MMACHC: variants seen among roughly 807,000 people sequenced by gnomAD.
MMACHC encodes cyanocobalamin reductase / alkylcobalamin dealkylase.
In MMACHC, 14 loss-of-function variants were observed where a neutral mutation model predicts 17.6. The ratio of observed to expected loss-of-function variants is 0.80; its 90% confidence interval spans 0.53 to 1.25. MMACHC has a LOEUF of 1.25. Ranked by LOEUF, MMACHC falls within the 50% of genes most tolerant of loss-of-function variation. The pLI is 0.00. For missense variants in MMACHC, 392 were observed against 364.5 expected, an observed-to-expected ratio of 1.08 and a Z score of -0.62; for synonymous variants, 151 against 142.1, an observed-to-expected ratio of 1.06 and a Z score of -0.45.
chr1:45,500,474 C>A, intron 1 of MMACHC, 61 bp downstream of exon 1: 2 of 1,522,432 alleles, frequency 1.3e-6, no homozygotes, highest in South Asian at 1.1e-5. Flanking sequence ...TTGCAACTGG[C>A]GTGAGGCCTC....
At position 45,502,314 on chromosome 1, in the gene MMACHC, G is replaced by A. The variant is rs146711687; in HGVS notation, c.81+1901G>A. The stretch of plus-strand genomic sequence containing the variant: ...AGACAAAGTCTCACTCTGTCCTCCC[G>A]GCCGGAGTGCAGTGGTGCAATCATA... On this transcript the variant is annotated intron_variant, in intron 1 of 3. Transcript: ENST00000401061. Among the ~76,000 whole-genome samples the A allele has an allele frequency of 6.2e-4, 95 of 152,034 alleles. No individual in the cohort carries two copies. The East Asian group carries it at 0.013, about 21-fold the overall frequency.
chr1:45,506,321 C>T (rs1643619360), intron 1 of MMACHC, among the ~76,000 whole-genome samples: 1 of 152,100 alleles, frequency 6.6e-6, no homozygotes, highest in Admixed American at 6.6e-5. Context: ...TGAGAAATCT[C>T]CGATCTTGTT....
chr1:45,509,386 G>A lies in MMACHC; in HGVS notation c.*171G>A, dbSNP rs544461302. 3.0e-6 allele frequency: 2 copies of A among 672,972 alleles called. No individual in the cohort carries two copies. Among genetic ancestry groups the A allele is most frequent in the South Asian group, 4.0e-5 (2 of 49,388 alleles). The allele number at this position is 672,972 out of a possible 1,614,324, so 41.7% of individuals were successfully genotyped here. On this transcript the variant is annotated 3_prime_UTR_variant, in exon 4 of 4. Transcript: ENST00000401061. ...AGGTTTGGCCAAGATAAAGGCCAGG[G>A]AACCAGAATTCCCATCTGCCTTCAA... is the stretch of plus-strand genomic sequence containing the variant.
At position 45,507,540 on chromosome 1, in the gene MMACHC, G is replaced by A. The variant is rs376520909; in HGVS notation, c.266G>A (p.Arg89His). ...CAGTGTGTGGCCTACCATCTGGGCCGTGTTAGAGAGGTGAGGAAGGCTCAG... is the reference window on the plus strand; with the variant it reads ...CAGTGTGTGGCCTACCATCTGGGCCATGTTAGAGAGGTGAGGAAGGCTCAG... ...VDQCVAYHLGRVRESLPELQI... is the reference protein window; with the variant it reads ...VDQCVAYHLGHVRESLPELQI... Residue 89 changes from arginine (R) to histidine (H), a missense_variant, in exon 2 of 4, where the codon CGT becomes CAT. Arg to His is a conservative substitution (Grantham distance 29). Transcript: ENST00000401061. The A allele has an allele frequency of 4.7e-5, 76 of 1,614,046 alleles. No homozygotes were observed. The highest frequency in any genetic ancestry group is 2.2e-4 in the Admixed American group (13 of 59,994).
At chr1:45,503,360 T>C (rs1643572963) in intron 1 of MMACHC, among the ~76,000 whole-genome samples, 1 of 151,346 alleles carries the variant, frequency 6.6e-6, no homozygotes, top group South Asian at 2.1e-4. Flanking sequence ...ATCGCGCCAT[T>C]GCAGTCTAGC....
In MMACHC at chr1:45,512,007, C is replaced by T. The variant is rs1170801132; in HGVS notation, c.*2792C>T. 1.3e-5 allele frequency: 2 copies of T among 151,562 alleles called. No homozygotes were observed. Among genetic ancestry groups the T allele is most frequent in the African/African-American group, 4.9e-5 (2 of 41,208 alleles). The allele number at this position is 151,562 out of a possible 1,614,324, so 9.4% of individuals were successfully genotyped here. A position where few individuals can be genotyped will look rare whatever the true frequency, so the allele number is the denominator to read the frequency against. ...GCCTTCAACCTTTTCCTGACAATGC[C>T]TAAGAATGTGCCTCAGGCTAGCCTG... On this transcript the variant is annotated 3_prime_UTR_variant, in exon 4 of 4. Transcript: ENST00000401061.
chr1:45,508,764 C>A (rs1381951367), intron 3 of MMACHC, 32 bp from the exon 4 acceptor site: 2 of 1,605,238 alleles, frequency 1.2e-6, no homozygotes, highest in Admixed American at 1.7e-5. Flanking sequence ...AGGGGACCTC[C>A]ATGACCTTGC....
Position 45,509,211 on chromosome 1 carries a change from C to G in MMACHC, c.845C>G (p.Pro282Arg), listed in dbSNP as rs1172284374. ...GTCTCACCACCTGCATCCCCTGGCC[C>G]TTGATTTTCTCCCATGTGGACCCTG... is the stretch of plus-strand genomic sequence containing the variant. ...PRVSPPASPG[P>R] The change falls in exon 4 of 4, where the codon CCT becomes CGT. Residue 282 changes from proline (P) to arginine (R), a missense_variant. By Grantham distance (103) the Pro-to-Arg change is moderately radical. Coordinates refer to ENST00000401061, the MANE Select transcript of MMACHC (RefSeq NM_015506.3). 5.0e-6 allele frequency: 8 copies of G among 1,613,896 alleles called. No individual in the cohort carries two copies. In the African/African-American group the frequency reaches 1.1e-4, roughly 22 times the overall value.
chr1:45,501,773 G>A (rs1326555266), intron 1 of MMACHC, among the ~76,000 whole-genome samples: 1 of 151,966 alleles, frequency 6.6e-6, no homozygotes. Context: ...TGGGTATTAG[G>A]AGCTTTTGTA....
At position 45,511,478 on chromosome 1, in the gene MMACHC, G is replaced by T; in HGVS notation, c.*2263G>T. The stretch of plus-strand genomic sequence containing the variant: ...ATGGTATGCACCACCATTCTCCTAT[G>T]GACAAAACCAGTTCTGCACCTGAAC... On this transcript the variant is annotated 3_prime_UTR_variant, in exon 4 of 4. Coordinates refer to ENST00000401061, the MANE Select transcript of MMACHC (RefSeq NM_015506.3). 1 of 1,378,874 alleles carries T rather than the reference G, an allele frequency of 7.3e-7. No homozygotes were observed. The highest frequency in any genetic ancestry group is 1.0e-6 in the Non-Finnish European group (1 of 983,724). The allele number at this position is 1,378,874 out of a possible 1,614,324, so 85.4% of individuals were successfully genotyped here.
chr1:45,509,340 A>G lies in MMACHC; in HGVS notation c.*125A>G, dbSNP rs778053860. The G allele has an allele frequency of 1.3e-4, 149 of 1,188,820 alleles. No homozygotes were observed. Among genetic ancestry groups the G allele is most frequent in the Non-Finnish European group, 1.7e-4 (144 of 831,814 alleles). The allele number at this position is 1,188,820 out of a possible 1,614,324, so 73.6% of individuals were successfully genotyped here. On this transcript the variant is annotated 3_prime_UTR_variant, in exon 4 of 4. Transcript: ENST00000401061. ...AATATAGTAGAGATCTTCCATGAAG[A>G]TAACAAGGCTCAAGGAAGTTAGGTT...
At chr1:45,502,001 C>T (rs1333359574) in intron 1 of MMACHC, among the ~76,000 whole-genome samples, 3 of 152,174 alleles carry the variant, frequency 2.0e-5, no homozygotes, top group Non-Finnish European at 2.9e-5. Flanking sequence ...CCTCCAGTCC[C>T]TCCTCCACAC....
chr1:45,501,309 T>C (rs952558681), intron 1 of MMACHC, among the ~76,000 whole-genome samples: 11 of 152,222 alleles, frequency 7.2e-5, no homozygotes, highest in African/African-American at 2.7e-4. Context: ...CCCTGTGCAC[T>C]GAGCAGTTAA....
rs1418016592 is a variant in MMACHC at position 45,510,261 on chromosome 1, G to A, written c.*1046G>A. ...GGGGTGGGCAGGTGGGAGTAGCTGA[G>A]GAAGACAAGTGGCTGGAATGGTATC... is the stretch of plus-strand genomic sequence containing the variant. On this transcript the variant is annotated 3_prime_UTR_variant, in exon 4 of 4. Coordinates refer to ENST00000401061, the MANE Select transcript of MMACHC (RefSeq NM_015506.3). The A allele has an allele frequency of 2.0e-5, 3 of 152,202 alleles. No homozygotes were observed. Among genetic ancestry groups the A allele is most frequent in the African/African-American group, 4.8e-5 (2 of 41,402 alleles). The allele number at this position is 152,202 out of a possible 1,614,324, so 9.4% of individuals were successfully genotyped here.
rs766342926 is a variant in MMACHC at position 45,508,945 on chromosome 1, C to G, written c.579C>G (p.Leu193=). Residue 193 remains leucine (L), a synonymous_variant, in exon 4 of 4, where the codon CTC becomes CTG. Coordinates refer to ENST00000401061, the MANE Select transcript of MMACHC (RefSeq NM_015506.3). ...CAAGAGCTGACCGTATCGCCCTACTCGAAGGCTTCAATTTCCACTGGCGTG... is the reference window on the plus strand; with the variant it reads ...CAAGAGCTGACCGTATCGCCCTACTGGAAGGCTTCAATTTCCACTGGCGTG... ...VPTRADRIAL[L]EGFNFHWRDW... 6.2e-7 allele frequency: 1 copy of G among 1,614,190 alleles called. No homozygotes were observed. Among genetic ancestry groups the G allele is most frequent in the Non-Finnish European group, 8.5e-7 (1 of 1,180,040 alleles).
chr1:45,508,760 C>A, intron 3 of MMACHC, 36 bp from the exon 4 acceptor site: 2 of 1,601,526 alleles, frequency 1.2e-6, no homozygotes, highest in East Asian at 2.2e-5. Flanking sequence ...GCCAAGGGGA[C>A]CTCCATGACC....
chr1:45,500,352 A>G lies in MMACHC; in HGVS notation c.20A>G (p.Glu7Gly). Residue 7 changes from glutamate to glycine, a missense_variant, in exon 1 of 4, where the codon GAG becomes GGG. By Grantham distance (98) the Glu-to-Gly change is moderately conservative. Transcript: ENST00000401061. The stretch of plus-strand genomic sequence containing the variant: ...TGCGCTATGGAGCCGAAAGTCGCAG[A>G]GCTGAAGCAGAAGATCGAGGACACG... Reference protein sequence around the residue: MEPKVAELKQKIEDTLC... With the variant: MEPKVAGLKQKIEDTLC... 4 of 1,614,156 alleles carry G rather than the reference A, an allele frequency of 2.5e-6. No individual in the cohort carries two copies. The highest frequency in any genetic ancestry group is 2.5e-6 in the Non-Finnish European group (3 of 1,180,040).
In MMACHC at chr1:45,508,254, G is replaced by A. The variant is rs758730415; in HGVS notation, c.319G>A (p.Val107Met). ...LQIEIIADYE[V>M]HPNRRPKILA... ...GATAGAAATCATTGCTGACTACGAG[G>A]TGCACCCCAACCGACGCCCCAAGAT... Residue 107 changes from valine (V) to methionine (M), a missense_variant, in exon 3 of 4, where the codon GTG becomes ATG. Coordinates refer to ENST00000401061, the MANE Select transcript of MMACHC (RefSeq NM_015506.3). 2 of 1,614,132 alleles carry A rather than the reference G, an allele frequency of 1.2e-6. No individual in the cohort carries two copies. Among genetic ancestry groups the A allele is most frequent in the Non-Finnish European group, 1.7e-6 (2 of 1,180,028 alleles).
intron 1 of MMACHC, among the ~76,000 whole-genome samples, chr1:45,503,359 T>C (rs1181891489): frequency 3.3e-5 from 5 of 151,144 alleles, no homozygotes; most frequent in Non-Finnish European, 5.9e-5. Context: ...GATCGCGCCA[T>C]TGCAGTCTAG....
Sources: gnomAD v4.1 joint callset for allele counts (sites outside exome capture counted in the v4.1 genomes callset) on GRCh38, gnomAD v4.1.1 for gene constraint, MANE v1.5 for transcripts, NCBI Gene and HGNC (gene_info 2026-07-23, HGNC 2026-07-21) for gene names.